The following SETD1A variants were observed in gnomAD, a reference collection of about 807,000 sequenced individuals.
SETD1A encodes SET domain containing 1A, histone lysine methyltransferase, also known as histone-lysine N-methyltransferase SETD1A.
Under a neutral mutation model 149.9 loss-of-function variants are expected in SETD1A, and 29 were observed. That is an observed-to-expected ratio of 0.19 (90% confidence interval 0.14 to 0.26). SETD1A has a LOEUF of 0.26. Ranked by LOEUF, SETD1A falls within the 10% of genes least tolerant of loss-of-function variation. The pLI is 1.00. For missense variants in SETD1A, 2,109 were observed against 2,353.1 expected, an observed-to-expected ratio of 0.90 and a Z score of 2.15; for synonymous variants, 1,141 against 968.5, an observed-to-expected ratio of 1.18 and a Z score of -3.31.
chr16:30,981,244 C>G, intron 17 of SETD1A, 64 bp downstream of exon 17: 1 of 1,595,508 alleles, frequency 6.3e-7, no homozygotes, highest in Non-Finnish European at 8.6e-7. Context: ...GGGGCTCACA[C>G]ACATGCTGTT....
intron 13 of SETD1A, among the ~76,000 whole-genome samples, chr16:30,975,112 C>T (rs182189259): frequency 1.1e-4 from 17 of 151,774 alleles, no homozygotes; most frequent in South Asian, 4.2e-4. Context: ...CGTGCCACTG[C>T]ACTCCAGCCT....
rs1426926106 is a variant in SETD1A at position 30,963,520 on chromosome 16, A to G, written c.605A>G (p.Glu202Gly). ...TVPTGGKALS[E>G]KFQGSGAATE... is the part of the protein sequence containing the mutation. The stretch of plus-strand genomic sequence containing the variant: ...CCCACTGGGGGCAAGGCCCTGAGTG[A>G]GAAGTTCCAAGGCTCGGGTGCAGCC... The change falls in exon 5 of 19, where the codon GAG becomes GGG. Residue 202 changes from glutamate to glycine, a missense_variant. By Grantham distance (98) the Glu-to-Gly change is moderately conservative. This residue lies in a region of SETD1A where 410 missense variants were observed against 394.8 expected (regional missense o/e 1.04). Transcript: ENST00000262519. 2 of 1,613,320 alleles carry G rather than the reference A, an allele frequency of 1.2e-6. No individual in the cohort carries two copies. The highest frequency in any genetic ancestry group is 2.7e-5 in the African/African-American group (2 of 74,890).
chr16:30,959,460 A>G lies in SETD1A; in HGVS notation c.246+274A>G, dbSNP rs563803172. ...CTTTAGCTGCTATACCTATCACTGT[A>G]TATTCGTAGACAGTGCATCATAGCA... On this transcript the variant is annotated intron_variant, in intron 3 of 18. Coordinates refer to ENST00000262519, the MANE Select transcript of SETD1A (RefSeq NM_014712.3). Among the ~76,000 whole-genome samples, 5 of 152,280 alleles carry G rather than the reference A, an allele frequency of 3.3e-5. No individual in the cohort carries two copies. In the South Asian group the frequency reaches 8.3e-4, roughly 25 times the overall value.
rs751493249 is a variant in SETD1A, at chr16:30,965,305, T to G, written c.1563T>G (p.Leu521=). 1 of 1,614,192 alleles carries G rather than the reference T, an allele frequency of 6.2e-7. No homozygotes were observed. The highest frequency in any genetic ancestry group is 1.7e-5 in the Admixed American group (1 of 60,022). The change falls in exon 7 of 19, where the codon CTT becomes CTG. Residue 521 remains leucine (L), a synonymous_variant. Transcript: ENST00000262519. The stretch of plus-strand genomic sequence containing the variant: ...AGGAAGAGAACAGCAGCATGGTCCT[T>G]GGGGCCAGAGATACAGGGAGTGAGG... ...EEEEENSSMV[L]GARDTGSEVP...
rs376875547 is a variant in SETD1A, at chr16:30,964,137, C to T, written c.683C>T (p.Pro228Leu). ...TCTTCCTCTGACACAGCTGCCTACC[C>T]AGCAGGCACCACTGCGGTGGGCACT... ...RRSSSDTAAY[P>L]AGTTAVGTPG... is the part of the protein sequence containing the mutation. Residue 228 changes from proline (P) to leucine (L), a missense_variant, in exon 6 of 19, where the codon CCA becomes CTA. Transcript: ENST00000262519. The T allele has an allele frequency of 1.9e-6, 3 of 1,614,008 alleles. No homozygotes were observed. In the African/African-American group the frequency reaches 4.0e-5, roughly 22 times the overall value.
chr16:30,964,943 A>G lies in SETD1A; in HGVS notation c.1201A>G (p.Thr401Ala), dbSNP rs2056116128. 1.2e-6 allele frequency: 2 copies of G among 1,614,056 alleles called. No individual in the cohort carries two copies. The highest frequency in any genetic ancestry group is 8.5e-7 in the Non-Finnish European group (1 of 1,179,928). The part of the protein sequence containing the change: ...EPPGAPFAEN[T>A]AERFPPSYTS... ...CCCTGGAGCCCCTTTTGCTGAAAAT[A>G]CAGCTGAGCGCTTCCCACCTTCTTA... Residue 401 changes from threonine (T) to alanine (A), a missense_variant, in exon 7 of 19, where the codon ACA becomes GCA. Physicochemically the swap from Thr to Ala is moderately conservative, Grantham distance 58. Around this residue, in one of 8 missense-constraint regions of SETD1A, gnomAD observed 410 missense variants for 394.8 expected, o/e 1.04. Coordinates refer to ENST00000262519, the MANE Select transcript of SETD1A (RefSeq NM_014712.3).
rs1388801525 is a variant in SETD1A, at chr16:30,983,060, C to T, written c.4813-575C>T. Among the ~76,000 whole-genome samples the T allele has an allele frequency of 6.6e-6, 1 of 152,134 alleles. No individual in the cohort carries two copies. Among genetic ancestry groups the T allele is most frequent in the Admixed American group, 6.5e-5 (1 of 15,276 alleles). Reference sequence around the variant, plus strand: ...GAAATGGAAGTTTGGGAGGAGTCCCCACCACATAGCTGGCGGCTGAGGCTC... The same window carrying T: ...GAAATGGAAGTTTGGGAGGAGTCCCTACCACATAGCTGGCGGCTGAGGCTC... On this transcript the variant is annotated intron_variant, in intron 17 of 18. Transcript: ENST00000262519. This position sits in a 1 kb window ranked among gnomAD's most constrained non-coding sequence, Gnocchi z 6.8.
intron 10 of SETD1A, among the ~76,000 whole-genome samples, chr16:30,968,568 C>T (rs2056182755): frequency 1.3e-5 from 2 of 151,422 alleles, no homozygotes; most frequent in South Asian, 4.2e-4. Flanking sequence ...TTTGGGAGGC[C>T]GAGGCGGGTG....
intron 8 of SETD1A, 119 bp from the exon 9 acceptor site, chr16:30,966,765 C>T (rs2056153081): frequency 8.3e-7 from 1 of 1,200,096 alleles, no homozygotes; most frequent in Non-Finnish European, 1.1e-6. Context: ...ACAGGTGTGA[C>T]CAAGATATGG....
Position 30,979,836 on chromosome 16 carries a change from G to A in SETD1A, c.4050G>A (p.Lys1350=). Residue 1350 remains lysine (K), a synonymous_variant, in exon 14 of 19, where the codon AAG becomes AAA. Coordinates refer to ENST00000262519, the MANE Select transcript of SETD1A (RefSeq NM_014712.3). The stretch of plus-strand genomic sequence containing the variant: ...TGGTGGCTGAGGCGGAGGAGCCCAA[G>A]CCGCAGCAACTGCAGCAGCAGCGGG... ...EVVVAEAEEP[K]PQQLQQQREE... 6.4e-7 allele frequency: 1 copy of A among 1,550,952 alleles called. No individual in the cohort carries two copies. Among genetic ancestry groups the A allele is most frequent in the African/African-American group, 1.4e-5 (1 of 73,986 alleles).
Position 30,969,307 on chromosome 16 carries a change from C to T in SETD1A, c.2773C>T (p.Pro925Ser). The change falls in exon 11 of 19, where the codon CCT becomes TCT. Residue 925 changes from proline (P) to serine (S), a missense_variant and splice_region_variant. Coordinates refer to ENST00000262519, the MANE Select transcript of SETD1A (RefSeq NM_014712.3). ...CAACTACCACTCTGCTGGCCTAGAC[C>T]CTGAACAAGAGAAGGAGGCTGGAGA... Reference protein sequence around the residue: ...STPAEEDEDDPEQEKEAGEPG... With the variant: ...STPAEEDEDDSEQEKEAGEPG... 2 of 1,613,508 alleles carry T rather than the reference C, an allele frequency of 1.2e-6. No individual in the cohort carries two copies. The highest frequency in any genetic ancestry group is 1.1e-5 in the South Asian group (1 of 90,978).
chr16:30,984,327 T>C lies in SETD1A; in HGVS notation c.*304T>C, dbSNP rs117837806. 7.0e-4 allele frequency: 275 copies of C among 394,204 alleles called. 1 individual carries two copies. The East Asian group carries it at 0.011, about 16-fold the overall frequency. The allele number at this position is 394,204 out of a possible 1,614,324, so 24.4% of individuals were successfully genotyped here. A position where few individuals can be genotyped will look rare whatever the true frequency, so the allele number is the denominator to read the frequency against. Reference sequence around the variant, plus strand: ...GTGCCGGCCTGTACAGATTCTGTCCTGGGGGGCTACACAGTCCTCTTGCTT... The same window carrying C: ...GTGCCGGCCTGTACAGATTCTGTCCCGGGGGGCTACACAGTCCTCTTGCTT... On this transcript the variant is annotated 3_prime_UTR_variant, in exon 19 of 19. Transcript: ENST00000262519.
chr16:30,966,084 C>A lies in SETD1A; in HGVS notation c.2203C>A (p.Gln735Lys). 1 of 1,590,126 alleles carries A rather than the reference C, an allele frequency of 6.3e-7. No individual in the cohort carries two copies. Among genetic ancestry groups the A allele is most frequent in the South Asian group, 1.1e-5 (1 of 87,798 alleles). ...AYGLPYALYA[Q>K]GQEGRGAYSR... ...CGGCTTGCCGTATGCTCTATATGCA[C>A]AGGGGCAGGAGGGCAGAGGGGCATA... is the stretch of plus-strand genomic sequence containing the variant. The change falls in exon 8 of 19, where the codon CAG becomes AAG. Residue 735 changes from glutamine to lysine, a missense_variant. This residue lies in a region of SETD1A where 431 missense variants were observed against 388.6 expected (regional missense o/e 1.11). Coordinates refer to ENST00000262519, the MANE Select transcript of SETD1A (RefSeq NM_014712.3).
At position 30,983,468 on chromosome 16, in the gene SETD1A, G is replaced by C. The variant is rs931332707; in HGVS notation, c.4813-167G>C. Among the ~76,000 whole-genome samples, 48 of 152,228 alleles carry C rather than the reference G, an allele frequency of 3.2e-4. No homozygotes were observed. Among genetic ancestry groups the C allele is most frequent in the African/African-American group, 1.1e-3 (47 of 41,454 alleles). ...TTAGGATGCTGCCCCAAAGAGGGAG[G>C]GCTCCTGGAAGCAGAGTCGAGAGAG... is the stretch of plus-strand genomic sequence containing the variant. On this transcript the variant is annotated intron_variant, in intron 17 of 18. Transcript: ENST00000262519. The surrounding 1 kb of genome is among the most constrained non-coding windows in gnomAD (Gnocchi z 6.8).
At position 30,980,427 on chromosome 16, in the gene SETD1A, C is replaced by T; in HGVS notation, c.4409-58C>T. 1 of 1,567,220 alleles carries T rather than the reference C, an allele frequency of 6.4e-7. No homozygotes were observed. Among genetic ancestry groups the T allele is most frequent in the Non-Finnish European group, 8.7e-7 (1 of 1,153,862 alleles). ...TCAGCGGCGTGGGCCCCGCCCTCTC[C>T]TTTGGCTGGGACGCAGGTGGCCAGA... On this transcript the variant is annotated intron_variant, in intron 14 of 18. Transcript: ENST00000262519. This position sits in a 1 kb window ranked among gnomAD's most constrained non-coding sequence, Gnocchi z 7.7.
rs565743340 is a variant in SETD1A, at chr16:30,983,116, G to C, written c.4813-519G>C. On this transcript the variant is annotated intron_variant, in intron 17 of 18. Transcript: ENST00000262519. The surrounding 1 kb of genome is among the most constrained non-coding windows in gnomAD (Gnocchi z 6.8). Reference sequence around the variant, plus strand: ...GGGAGTGAGGTCACCCGAGGAGGGCGTGCAGAGGCTCCTCACTGTCTTCTG... The same window carrying C: ...GGGAGTGAGGTCACCCGAGGAGGGCCTGCAGAGGCTCCTCACTGTCTTCTG... Among the ~76,000 whole-genome samples the C allele has an allele frequency of 6.6e-6, 1 of 152,162 alleles. No individual in the cohort carries two copies. The highest frequency in any genetic ancestry group is 2.4e-5 in the African/African-American group (1 of 41,438).
chr16:30,958,627 A>G, intron 1 of SETD1A, 90 bp from the exon 2 acceptor site: 1 of 1,140,090 alleles, frequency 8.8e-7, no homozygotes. Context: ...GTGATGGGAG[A>G]ACCTGGAATC....
chr16:30,966,964 C>T lies in SETD1A; in HGVS notation c.2586C>T (p.Ser862=), dbSNP rs779852305. The T allele has an allele frequency of 4.4e-6, 7 of 1,587,436 alleles. No homozygotes were observed. The highest frequency in any genetic ancestry group is 6.0e-6 in the Non-Finnish European group (7 of 1,167,432). ...AGCTGAAGGAGCCTGGCCTGCTGTC[C>T]CTCGTGGACTGGGCCAAGAGCGGGG... ...KTKLKEPGLL[S]LVDWAKSGGT... is the part of the protein sequence containing the mutation. The change falls in exon 9 of 19, where the codon TCC becomes TCT. Residue 862 remains serine, a synonymous_variant. Coordinates refer to ENST00000262519, the MANE Select transcript of SETD1A (RefSeq NM_014712.3).
chr16:30,976,907 C>T lies in SETD1A; in HGVS notation c.3359-2238C>T, dbSNP rs932843977. ...TCTGAGTTACCGAGGACAGAGGAGC[C>T]GTGGCTCAGAGCAAGGGGTGCTTAG... On this transcript the variant is annotated intron_variant, in intron 13 of 18. Transcript: ENST00000262519. 9.3e-5 allele frequency among the ~76,000 whole-genome samples: 14 copies of T among 151,338 alleles called. 1 individual carries two copies. The highest frequency in any genetic ancestry group is 6.2e-4 in the South Asian group (3 of 4,818).
Sources: gnomAD v4.1 joint callset for allele counts (sites outside exome capture counted in the v4.1 genomes callset) on GRCh38, gnomAD v4.1.1 for gene constraint, gnomAD v4.1.1 regional missense constraint, Gnocchi (gnomAD v3.1) non-coding constraint, MANE v1.5 for transcripts, NCBI Gene and HGNC (gene_info 2026-07-23, HGNC 2026-07-21) for gene names.